Variants in SPP2 observed in about 807,000 individuals in gnomAD.
SPP2 encodes the protein secreted phosphoprotein 2.
Under a neutral mutation model 28.8 loss-of-function variants are expected in SPP2, and 34 were observed. The observed-to-expected ratio is 1.18, with a 90% confidence interval of 0.90 to 1.57. SPP2 has a LOEUF of 1.57. Ranked by LOEUF, SPP2 falls within the 40% of genes most tolerant of loss-of-function variation. SPP2 has a pLI of 0.00. For synonymous variants in SPP2, 96 were observed against 89.4 expected (o/e 1.07, Z -0.42); for missense variants, 269 against 263.9 (o/e 1.02, Z -0.13).
At chr2:234,073,830 T>C (rs1690843255) in intron 7 of SPP2, among the ~76,000 whole-genome samples, 1 of 152,186 alleles carries the variant, frequency 6.6e-6, no homozygotes, top group Non-Finnish European at 1.5e-5. Context: ...AAGGGGGCAG[T>C]TCTTATTGAG....
chr2:234,067,939 A>G (rs1352222560), intron 6 of SPP2, among the ~76,000 whole-genome samples: 1 of 152,094 alleles, frequency 6.6e-6, no homozygotes, highest in African/African-American at 2.4e-5. Flanking sequence ...AAACTAAAAA[A>G]TTTAATTTTT....
chr2:234,074,113 G>A (rs1248144665), intron 7 of SPP2, among the ~76,000 whole-genome samples: 1 of 152,130 alleles, frequency 6.6e-6, no homozygotes, highest in Admixed American at 6.5e-5. Context: ...TGTTGGGATT[G>A]GAATTGAACT....
In SPP2 at chr2:234,074,512, C is replaced by T. The variant is rs150447313; in HGVS notation, c.*11-2333C>T. ...CCACGGAAGACAGAAAAGATCCAACCGAGACTCCAGTGGCAGAGACATGGC... is the reference window on the plus strand; with the variant it reads ...CCACGGAAGACAGAAAAGATCCAACTGAGACTCCAGTGGCAGAGACATGGC... On this transcript the variant is annotated intron_variant, in intron 7 of 7. Coordinates refer to ENST00000168148, the MANE Select transcript of SPP2 (RefSeq NM_006944.3). Among the ~76,000 whole-genome samples the T allele has an allele frequency of 4.8e-3, 723 of 152,180 alleles. 2 individuals are homozygous for T. Among genetic ancestry groups the T allele is most frequent in the African/African-American group, 0.016 (667 of 41,524 alleles).
Position 234,069,960 on chromosome 2 carries a change from A to T in SPP2, c.583A>T (p.Arg195Ter), listed in dbSNP as rs1294774034. ...GAGAAGGGTATTGCCTCCTGGAAAC[A>T]GAAGGTACCCAAACCACCGGCACAG... Reference protein sequence around the residue: ...IMRRVLPPGNRRYPNHRHRAR... With the variant: ...IMRRVLPPGN Residue 195 changes from arginine (R) to a stop codon, truncating the protein, a stop_gained, in exon 7 of 8, where the codon AGA (arginine) becomes TGA (stop). Coordinates refer to ENST00000168148, the MANE Select transcript of SPP2 (RefSeq NM_006944.3). LOFTEE classifies it high-confidence loss of function. The T allele has an allele frequency of 6.2e-7, 1 of 1,613,554 alleles. No individual in the cohort carries two copies. The highest frequency in any genetic ancestry group is 8.5e-7 in the Non-Finnish European group (1 of 1,179,616).
chr2:234,062,346 A>G (rs1457230044), intron 4 of SPP2, among the ~76,000 whole-genome samples: 2 of 152,158 alleles, frequency 1.3e-5, no homozygotes, highest in Admixed American at 6.5e-5. Context: ...GGGTATTTCA[A>G]GCATAGGGGA....
At chr2:234,074,798 C>T (rs1177496982) in intron 7 of SPP2, among the ~76,000 whole-genome samples, 2 of 151,978 alleles carry the variant, frequency 1.3e-5, no homozygotes, top group East Asian at 1.9e-4. Flanking sequence ...GTTTAGATGC[C>T]GTATTTAATA....
intron 2 of SPP2, among the ~76,000 whole-genome samples, chr2:234,055,786 T>A: frequency 6.6e-6 from 1 of 152,122 alleles, no homozygotes; most frequent in East Asian, 1.9e-4. Context: ...AATACTGTAA[T>A]ACTGATTGTA....
chr2:234,059,870 T>C (rs11562947), intron 3 of SPP2, among the ~76,000 whole-genome samples: 21,376 of 152,198 alleles, frequency 0.14, 2,482 homozygotes, highest in African/African-American at 0.32. Context: ...CCAAAATTTG[T>C]TTTCCAAAGT....
At chr2:234,058,303 A>G (rs1693648058) in intron 2 of SPP2, among the ~76,000 whole-genome samples, 1 of 152,214 alleles carries the variant, frequency 6.6e-6, no homozygotes, top group South Asian at 2.1e-4. Context: ...AAAAATGCAA[A>G]AAAAGCCACG....
Position 234,050,861 on chromosome 2 carries a change from G to A in SPP2, c.75G>A (p.Trp25Ter), listed in dbSNP as rs1209574905. 4.3e-6 allele frequency: 7 copies of A among 1,613,942 alleles called. No individual in the cohort carries two copies. The highest frequency in any genetic ancestry group is 5.9e-6 in the Non-Finnish European group (7 of 1,179,938). ...LIMFALGMNY[W>*]SCSGFPVYDY... The stretch of plus-strand genomic sequence containing the variant: ...TGTTTGCTCTTGGAATGAACTACTG[G>A]TCTTGCTCAGGTAAGGTATTCACCA... The change falls in exon 1 of 8, where the codon TGG becomes TGA. Residue 25 changes from tryptophan to a stop codon, truncating the protein, a stop_gained. Coordinates refer to ENST00000168148, the MANE Select transcript of SPP2 (RefSeq NM_006944.3). LOFTEE classifies it high-confidence loss of function.
intron 4 of SPP2, 149 bp downstream of exon 4, chr2:234,060,628 C>A: frequency 1.6e-6 from 1 of 642,574 alleles, no homozygotes. Flanking sequence ...CTCTCTTGGA[C>A]ACCTACAGCC....
rs750842592 is a variant in SPP2, at chr2:234,069,968, C to G, written c.591C>G (p.Tyr197Ter). ...TATTGCCTCCTGGAAACAGAAGGTA[C>G]CCAAACCACCGGCACAGAGCAAGAA... is the stretch of plus-strand genomic sequence containing the variant. ...RRVLPPGNRRYPNHRHRARIN... is the reference protein window; with the variant it reads ...RRVLPPGNRR Residue 197 changes from tyrosine (Y) to a stop codon, truncating the protein, a stop_gained, in exon 7 of 8, where the codon TAC becomes TAG. Transcript: ENST00000168148. LOFTEE classifies it high-confidence loss of function. 6.2e-7 allele frequency: 1 copy of G among 1,613,440 alleles called. No individual in the cohort carries two copies. The highest frequency in any genetic ancestry group is 1.3e-5 in the African/African-American group (1 of 74,982).
intron 6 of SPP2, among the ~76,000 whole-genome samples, chr2:234,069,496 T>C (rs1443337321): frequency 1.3e-5 from 2 of 152,176 alleles, no homozygotes; most frequent in Non-Finnish European, 2.9e-5. Flanking sequence ...AGCCAAAATC[T>C]AAAAACACAT....
chr2:234,051,774 T>C (rs1338202686), intron 2 of SPP2, among the ~76,000 whole-genome samples: 1 of 151,928 alleles, frequency 6.6e-6, no homozygotes, highest in Non-Finnish European at 1.5e-5. Flanking sequence ...AGGTGGGAGG[T>C]AGAGAGGTTC....
intron 4 of SPP2, among the ~76,000 whole-genome samples, chr2:234,064,386 GCATTTCTCTCTGCTGC>G (rs988557260): frequency 1.3e-5 from 2 of 152,120 alleles, no homozygotes; most frequent in African/African-American, 4.8e-5. Context: ...GGGAAAAGAG[GCATTTCTCTCTGCTGC>G]CAGTTAGAGA....
intron 2 of SPP2, among the ~76,000 whole-genome samples, chr2:234,054,878 G>C (rs1693575293): frequency 6.6e-6 from 1 of 152,146 alleles, no homozygotes; most frequent in Non-Finnish European, 1.5e-5. Flanking sequence ...ACATTTGGAG[G>C]CAAAGCCATG....
At position 234,065,381 on chromosome 2, in the gene SPP2, G is replaced by T. The variant is rs139084228; in HGVS notation, c.445-1152G>T. ...TATAACCTCTGTCTCCTGGGTTCAA[G>T]CAATTGTAGTGCCTCAGCCTCCCAA... is the stretch of plus-strand genomic sequence containing the variant. On this transcript the variant is annotated intron_variant, in intron 4 of 7. Coordinates refer to ENST00000168148, the MANE Select transcript of SPP2 (RefSeq NM_006944.3). Among the ~76,000 whole-genome samples, 355 of 152,268 alleles carry T rather than the reference G, an allele frequency of 2.3e-3. 3 individuals are homozygous for T. Among genetic ancestry groups the T allele is most frequent in the African/African-American group, 7.9e-3 (327 of 41,550 alleles).
intron 4 of SPP2, among the ~76,000 whole-genome samples, chr2:234,064,158 T>A (rs750254058): frequency 2.0e-5 from 3 of 148,074 alleles, no homozygotes; most frequent in Non-Finnish European, 3.0e-5. Flanking sequence ...CATTCCCTTT[T>A]CTCTCTCTCT....
At chr2:234,076,394 C>T (rs548334780) in intron 7 of SPP2, among the ~76,000 whole-genome samples, 11 of 152,240 alleles carry the variant, frequency 7.2e-5, no homozygotes, top group South Asian at 4.2e-4. Flanking sequence ...CCCTTTTCCT[C>T]GGGTTTCCTG....
Sources: gnomAD v4.1 joint callset for allele counts (sites outside exome capture counted in the v4.1 genomes callset) on GRCh38, gnomAD v4.1.1 for gene constraint, MANE v1.5 for transcripts, NCBI Gene and HGNC (gene_info 2026-07-23, HGNC 2026-07-21) for gene names.